PIWIL1: variants seen among roughly 807,000 people sequenced by gnomAD.
PIWIL1 encodes piwi-like protein 1.
In PIWIL1, 73 loss-of-function variants were observed where a neutral mutation model predicts 114.4. That is an observed-to-expected ratio of 0.64 (90% CI 0.53 to 0.78). PIWIL1 has a LOEUF of 0.78. Ranked by LOEUF, PIWIL1 falls within the 30% of genes least tolerant of loss-of-function variation. PIWIL1 has a pLI of 0.00. For synonymous variants in PIWIL1, 375 were observed against 369.0 expected (o/e 1.02, Z -0.19); for missense variants, 723 against 1,063.1 (o/e 0.68, Z 4.45).
At chr12:130,343,718 T>C (rs961037560) in intron 3 of PIWIL1, among the ~76,000 whole-genome samples, 7 of 149,006 alleles carry the variant, frequency 4.7e-5, no homozygotes, top group Non-Finnish European at 7.4e-5. Context: ...CTCCACCTCC[T>C]GGGTTCCTGC....
chr12:130,409,764 C>T, the PIWIL1 span, among the ~76,000 whole-genome samples: 49 of 152,284 alleles, frequency 3.2e-4, no homozygotes, highest in African/African-American at 1.1e-3. Context: ...TTGTGTGGGG[C>T]GCCTTCGTTC....
At chr12:130,342,822 C>T (rs1440977648) in intron 2 of PIWIL1, among the ~76,000 whole-genome samples, 153 bp downstream of exon 2, 2 of 152,276 alleles carry the variant, frequency 1.3e-5, no homozygotes, top group Middle Eastern at 3.4e-3. Context: ...GAAGCTGATT[C>T]GTGACTTTAT....
chr12:130,420,680 A>T, the PIWIL1 span, among the ~76,000 whole-genome samples: 5 of 152,224 alleles, frequency 3.3e-5, no homozygotes, highest in Admixed American at 2.6e-4. The surrounding 1 kb of genome is among the most constrained non-coding windows in gnomAD (Gnocchi z 4.3). Flanking sequence ...GAGACAAAAA[A>T]TAATTATTTA....
intron 9 of PIWIL1, among the ~76,000 whole-genome samples, chr12:130,354,194 A>G (rs1476497274): frequency 2.0e-5 from 3 of 152,160 alleles, no homozygotes; most frequent in African/African-American, 7.2e-5. Flanking sequence ...GAATCATCCT[A>G]TGGTGAAGTT....
chr12:130,421,752 T>C, the PIWIL1 span, among the ~76,000 whole-genome samples: 6 of 151,146 alleles, frequency 4.0e-5, no homozygotes. Context: ...TCCTCTGTGC[T>C]GATGACCAGC....
intron 9 of PIWIL1, chr12:130,351,307 CG>C (rs1242731365): frequency 1.3e-5 from 2 of 152,168 alleles, no homozygotes; most frequent in Non-Finnish European, 2.9e-5. Context: ...TGGTGTTTTA[CG>C]TGTTATCATA....
At chr12:130,403,035 C>T in the PIWIL1 span, among the ~76,000 whole-genome samples, 3 of 152,238 alleles carry the variant, frequency 2.0e-5, no homozygotes, top group East Asian at 1.9e-4. Flanking sequence ...TCCCTGCTTA[C>T]GCTTGTTTTA....
At chr12:130,398,649 C>A in the PIWIL1 span, 2 of 152,540 alleles carry the variant, frequency 1.3e-5, no homozygotes, top group Non-Finnish European at 2.9e-5. Flanking sequence ...TCTGGCCACT[C>A]GAGCCAGTGT....
chr12:130,398,156 G>A, the PIWIL1 span: 1 of 152,536 alleles, frequency 6.6e-6, no homozygotes, highest in Non-Finnish European at 1.5e-5. Context: ...TCAGTAGATA[G>A]CACATGGTAG....
the PIWIL1 span, chr12:130,424,886 C>G: frequency 8.3e-7 from 1 of 1,206,414 alleles, no homozygotes; most frequent in Non-Finnish European, 1.0e-6. The surrounding 1 kb of genome is among the most constrained non-coding windows in gnomAD (Gnocchi z 9.8). Context: ...CAAGAACAGG[C>G]GCGGGAAAGA....
At chr12:130,377,391 C>T (rs1289352007), downstream of PIWIL1, among the ~76,000 whole-genome samples, 1 of 152,188 alleles carries the variant, frequency 6.6e-6, no homozygotes, top group Non-Finnish European at 1.5e-5. Context: ...CACCAGGGAG[C>T]TCTAGCAACC....
downstream of PIWIL1, among the ~76,000 whole-genome samples, chr12:130,376,853 A>G (rs932689854): frequency 6.6e-6 from 1 of 152,222 alleles, no homozygotes; most frequent in South Asian, 2.1e-4. Flanking sequence ...TCTCAGGAAC[A>G]CAGAGTCGTT....
At chr12:130,424,167 G>C in the PIWIL1 span, 2 of 1,232,142 alleles carry the variant, frequency 1.6e-6, no homozygotes, top group Non-Finnish European at 2.0e-6. The surrounding 1 kb of genome is among the most constrained non-coding windows in gnomAD (Gnocchi z 9.8). Context: ...GACTCTGGGA[G>C]GTGGCTTTGC....
chr12:130,343,070 A>G lies in PIWIL1; in HGVS notation c.159A>G (p.Arg53=), dbSNP rs1377456556. The change falls in exon 3 of 21, where the codon AGA becomes AGG. Residue 53 remains arginine (R), a synonymous_variant. Coordinates refer to ENST00000245255, the MANE Select transcript of PIWIL1 (RefSeq NM_004764.5). ...AATTATTTGGCCGTGGACGGCAGAG[A>G]GGAACAGCAGGAGGAACAGCCAAGT... ...EGELFGRGRQ[R]GTAGGTAKSQ... is the part of the protein sequence containing the mutation. The G allele has an allele frequency of 6.2e-7, 1 of 1,613,718 alleles. No homozygotes were observed. Among genetic ancestry groups the G allele is most frequent in the Non-Finnish European group, 8.5e-7 (1 of 1,179,818 alleles).
chr12:130,424,886 C>T, the PIWIL1 span: 4 of 1,206,532 alleles, frequency 3.3e-6, no homozygotes, highest in Non-Finnish European at 3.1e-6. The surrounding 1 kb of genome is among the most constrained non-coding windows in gnomAD (Gnocchi z 9.8). Context: ...CAAGAACAGG[C>T]GCGGGAAAGA....
Position 130,354,874 on chromosome 12 carries a change from T to TAA in PIWIL1, c.1172-14_1172-13insAA. On this transcript the variant is annotated splice_polypyrimidine_tract_variant and intron_variant, in intron 10 of 20. Coordinates refer to ENST00000245255, the MANE Select transcript of PIWIL1 (RefSeq NM_004764.5). ...ATTTCTTTAACCATATGCCTTTAAATGTCTTATTTAAAGGTCTAACTGATA... is the reference window on the plus strand; with the variant it reads ...ATTTCTTTAACCATATGCCTTTAAATAAGTCTTATTTAAAGGTCTAACTGATA... The TAA allele has an allele frequency of 6.4e-7, 1 of 1,562,636 alleles. No homozygotes were observed. Among genetic ancestry groups the TAA allele is most frequent in the Non-Finnish European group, 8.8e-7 (1 of 1,134,286 alleles).
At chr12:130,406,351 T>A in the PIWIL1 span, 1 of 688,620 alleles carries the variant, frequency 1.5e-6, no homozygotes, top group Non-Finnish European at 2.5e-6. Flanking sequence ...TTTCTGGTAT[T>A]AATCTACTCT....
the PIWIL1 span, among the ~76,000 whole-genome samples, chr12:130,386,277 C>A: frequency 1.8e-4 from 28 of 152,200 alleles, no homozygotes; most frequent in African/African-American, 6.3e-4. Flanking sequence ...CCCTGCATAT[C>A]TTTTATTTTC....
chr12:130,382,640 T>TCC, the PIWIL1 span, among the ~76,000 whole-genome samples: 1 of 152,242 alleles, frequency 6.6e-6, no homozygotes, highest in African/African-American at 2.4e-5. Flanking sequence ...TTTCAGGAAT[T>TCC]CTCAGTAAAT....
Sources: allele counts gnomAD v4.1 joint callset (sites outside exome capture counted in the v4.1 genomes callset), GRCh38; gene constraint gnomAD v4.1.1; non-coding constraint Gnocchi (gnomAD v3.1); transcripts MANE v1.5; gene names NCBI Gene and HGNC (gene_info 2026-07-23, HGNC 2026-07-21).